PAX5: variants seen among roughly 807,000 people sequenced by gnomAD.
PAX5 encodes the protein paired box 5.
A neutral mutation model predicts 43.7 loss-of-function variants in PAX5; 9 were observed. The observed-to-expected ratio is 0.21, with a 90% CI of 0.12 to 0.36. The LOEUF (loss-of-function observed/expected upper bound fraction) is 0.36. PAX5 is among the 10% of genes least tolerant of loss of function. PAX5 has a pLI of 1.00. For missense variants in PAX5, 383 were observed against 532.7 expected (o/e 0.72, Z 2.77); for synonymous variants, 228 against 214.3 (o/e 1.06, Z -0.56).
At chr9:36,883,712 GACA>G (rs1481322092) in intron 7 of PAX5, among the ~76,000 whole-genome samples, 1 of 151,396 alleles carries the variant, frequency 6.6e-6, no homozygotes, top group African/African-American at 2.4e-5. Context: ...CAGAAAAGCA[GACA>G]ACAATACATC....
intron 8 of PAX5, among the ~76,000 whole-genome samples, chr9:36,847,585 G>A (rs1822715393): frequency 2.6e-5 from 4 of 152,268 alleles, no homozygotes; most frequent in African/African-American, 9.6e-5. Context: ...GGGGAGCACA[G>A]AAGAGGGAGT....
At chr9:36,883,218 T>G (rs1176700234) in intron 7 of PAX5, among the ~76,000 whole-genome samples, 1 of 152,142 alleles carries the variant, frequency 6.6e-6, no homozygotes, top group African/African-American at 2.4e-5. Context: ...TCAGGGTCAT[T>G]TCTGAACCCC....
chr9:36,863,416 A>G (rs562559900), intron 8 of PAX5, among the ~76,000 whole-genome samples: 2 of 152,334 alleles, frequency 1.3e-5, no homozygotes, highest in East Asian at 3.9e-4. Context: ...GGTGTGAGCC[A>G]CTGTGCCTGG....
intron 7 of PAX5, among the ~76,000 whole-genome samples, chr9:36,895,971 A>C (rs1185079693): frequency 1.3e-5 from 2 of 152,172 alleles, no homozygotes; most frequent in African/African-American, 2.4e-5. Flanking sequence ...ACTAGGAGTC[A>C]GAAAACCCCG....
intron 1 of PAX5, chr9:37,026,634 C>A: frequency 1.5e-6 from 2 of 1,351,636 alleles, no homozygotes; most frequent in Non-Finnish European, 1.9e-6. Flanking sequence ...CAAGGGGCTG[C>A]CCAGGGCGGA....
chr9:36,927,803 G>A (rs1328349253), intron 6 of PAX5, among the ~76,000 whole-genome samples: 1 of 151,776 alleles, frequency 6.6e-6, no homozygotes, highest in Non-Finnish European at 1.5e-5. Flanking sequence ...CCGCCCCCCG[G>A]GTTCAAGCGA....
At chr9:36,937,533 T>C (rs1831659450) in intron 6 of PAX5, among the ~76,000 whole-genome samples, 1 of 152,206 alleles carries the variant, frequency 6.6e-6, no homozygotes, top group South Asian at 2.1e-4. Context: ...TGCTCCACGA[T>C]GTGCCGGAGC....
chr9:36,902,189 C>T (rs1282512743), intron 7 of PAX5, among the ~76,000 whole-genome samples: 1 of 152,170 alleles, frequency 6.6e-6, no homozygotes, highest in Non-Finnish European at 1.5e-5. Flanking sequence ...TGGAATTCTC[C>T]AGCTCCTGAC....
At chr9:36,983,829 C>T (rs1836146829) in intron 5 of PAX5, among the ~76,000 whole-genome samples, 1 of 151,890 alleles carries the variant, frequency 6.6e-6, no homozygotes, top group Non-Finnish European at 1.5e-5. Flanking sequence ...CCAGTTCTAC[C>T]CTTCAAGACT....
chr9:36,910,004 G>A (rs931206467), intron 7 of PAX5, among the ~76,000 whole-genome samples: 1 of 151,596 alleles, frequency 6.6e-6, no homozygotes, highest in African/African-American at 2.4e-5. Flanking sequence ...GTAGATTTTT[G>A]TAGAGACGGG....
chr9:36,926,923 G>A (rs148682228), intron 6 of PAX5, among the ~76,000 whole-genome samples: 11 of 152,284 alleles, frequency 7.2e-5, no homozygotes, highest in East Asian at 1.9e-4. Context: ...TATATGGGGC[G>A]TGAAGTGGTC....
At chr9:36,995,568 A>G (rs1837322430) in intron 5 of PAX5, among the ~76,000 whole-genome samples, 1 of 152,122 alleles carries the variant, frequency 6.6e-6, no homozygotes, top group Admixed American at 6.6e-5. Flanking sequence ...GGAGGAAAGG[A>G]GGGAGAGGAA....
At chr9:36,970,647 T>C (rs892932254) in intron 5 of PAX5, among the ~76,000 whole-genome samples, 3 of 152,110 alleles carry the variant, frequency 2.0e-5, no homozygotes, top group African/African-American at 4.8e-5. Context: ...TGTTTGAAGG[T>C]GGATCTGCTG....
At position 36,900,383 on chromosome 9, in the gene PAX5, A is replaced by G. The variant is rs75180714; in HGVS notation, c.911-18278T>C. ...AGGGTCTGCGTCCACAGGCGACAGC[A>G]TGGCCGCTTCACAGAGTAGTCCTGC... On this transcript the variant is annotated intron_variant, in intron 7 of 9. Transcript: ENST00000358127. 3.6e-3 allele frequency among the ~76,000 whole-genome samples: 551 copies of G among 152,328 alleles called. 5 individuals are homozygous for G. The highest frequency in any genetic ancestry group is 0.013 in the African/African-American group (534 of 41,570).
intron 8 of PAX5, among the ~76,000 whole-genome samples, chr9:36,865,683 C>T (rs975898841): frequency 2.6e-5 from 4 of 152,200 alleles, no homozygotes; most frequent in Non-Finnish European, 5.9e-5. Flanking sequence ...ACTTCACTAG[C>T]GGAGTTTATT....
intron 6 of PAX5, among the ~76,000 whole-genome samples, chr9:36,950,369 A>C (rs1306397964): frequency 1.3e-5 from 2 of 152,230 alleles, no homozygotes; most frequent in African/African-American, 4.8e-5. Context: ...TTTTCTCCAA[A>C]ATAGAAGAGA....
intron 8 of PAX5, among the ~76,000 whole-genome samples, chr9:36,859,257 C>T (rs1199150519): frequency 3.3e-5 from 5 of 152,286 alleles, no homozygotes; most frequent in Admixed American, 6.5e-5. Flanking sequence ...GGGGCAGGCG[C>T]GCACATAAAT....
At chr9:36,996,974 A>G (rs1837451205) in intron 5 of PAX5, among the ~76,000 whole-genome samples, 1 of 152,242 alleles carries the variant, frequency 6.6e-6, no homozygotes, top group Non-Finnish European at 1.5e-5. Context: ...AGACAGAAAC[A>G]GACACAGAGG....
chr9:36,929,827 G>A (rs1291788123), intron 6 of PAX5, among the ~76,000 whole-genome samples: 1 of 152,152 alleles, frequency 6.6e-6, no homozygotes, highest in Non-Finnish European at 1.5e-5. Context: ...CCCTGTTTCA[G>A]TGATTCTCCC....
Sources: gnomAD v4.1 joint callset for allele counts (sites outside exome capture counted in the v4.1 genomes callset) on GRCh38, gnomAD v4.1.1 for gene constraint, MANE v1.5 for transcripts, NCBI Gene and HGNC (gene_info 2026-07-23, HGNC 2026-07-21) for gene names.